GRK2: variants seen among roughly 807,000 people sequenced by gnomAD.
GRK2 encodes G protein-coupled receptor kinase 2, also known as adrenergic beta receptor kinase 1.
A neutral mutation model predicts 97.8 loss-of-function variants in GRK2; 23 were observed. The observed-to-expected ratio is 0.24, with a 90% CI of 0.17 to 0.33. The LOEUF (loss-of-function observed/expected upper bound fraction) is 0.33, where lower values mean the gene tolerates loss of function less well. GRK2 is among the 10% of genes least tolerant of loss of function. The pLI, the probability that GRK2 is intolerant of heterozygous loss-of-function variation, is 1.00. For synonymous variants in GRK2, 425 were observed against 381.7 expected (o/e 1.11, Z -1.32); for missense variants, 633 against 956.9 (o/e 0.66, Z 4.47).
rs1860279227 is a variant in GRK2 at position 67,286,254 on chromosome 11, C to A, written c.*804C>A. On this transcript the variant is annotated 3_prime_UTR_variant, in exon 21 of 21. Coordinates refer to ENST00000308595, the MANE Select transcript of GRK2 (RefSeq NM_001619.5). ...GGGCCGGCCAGGTGGGCGGGCAGCA[C>A]AGCAAGGAGGCTGGCTGGGGCCTAT... The A allele has an allele frequency of 5.0e-6, 3 of 601,098 alleles. No individual in the cohort carries two copies. Among genetic ancestry groups the A allele is most frequent in the South Asian group, 1.9e-5 (1 of 53,224 alleles). The allele number at this position is 601,098 out of a possible 1,614,324, so 37.2% of individuals were successfully genotyped here. A position where few individuals can be genotyped will look rare whatever the true frequency, so the allele number is the denominator to read the frequency against.
intron 18 of GRK2, 63 bp downstream of exon 18, chr11:67,284,436 G>C: frequency 6.4e-7 from 1 of 1,565,836 alleles, no homozygotes; most frequent in East Asian, 2.3e-5. Context: ...CAGCTGGCTC[G>C]GGTTTAAGGA....
Position 67,284,977 on chromosome 11 carries a change from G to A in GRK2, c.1785G>A (p.Glu595=). 2 of 1,612,422 alleles carry A rather than the reference G, an allele frequency of 1.2e-6. No individual in the cohort carries two copies. The highest frequency in any genetic ancestry group is 1.7e-6 in the Non-Finnish European group (2 of 1,179,756). The change falls in exon 19 of 21, where the codon GAG becomes GAA. Residue 595 remains glutamate, a synonymous_variant. Transcript: ENST00000308595. Reference sequence around the variant, plus strand: ...GCCTCGAGTGGCGGGGCGAGGGCGAGGCCCCGGTAAGGAGCCCGTGCGGGG... The same window carrying A: ...GCCTCGAGTGGCGGGGCGAGGGCGAAGCCCCGGTAAGGAGCCCGTGCGGGG... ...PNRLEWRGEG[E]APQSLLTMEE...
rs1405183117 is a variant in GRK2 at position 67,285,201 on chromosome 11, T to C, written c.1905+13T>C. On this transcript the variant is annotated intron_variant, in intron 20 of 20. Transcript: ENST00000308595. ...TTTGCAGTGCGATGTGAGTGGGGGC[T>C]GAGCCAGGGATGGGAGGGCCGAGGG... 3 of 1,613,170 alleles carry C rather than the reference T, an allele frequency of 1.9e-6. No homozygotes were observed. Among genetic ancestry groups the C allele is most frequent in the Non-Finnish European group, 2.5e-6 (3 of 1,179,818 alleles).
chr11:67,279,376 C>G, intron 3 of GRK2, 42 bp from the exon 4 acceptor site: 5 of 1,610,884 alleles, frequency 3.1e-6, no homozygotes, highest in Non-Finnish European at 4.2e-6. Flanking sequence ...ATCCCCATTC[C>G]CTGCTGGGCT....
chr11:67,285,572 G>A lies in GRK2; in HGVS notation c.*122G>A. 3 of 1,285,182 alleles carry A rather than the reference G, an allele frequency of 2.3e-6. No individual in the cohort carries two copies. Among genetic ancestry groups the A allele is most frequent in the Non-Finnish European group, 2.1e-6 (2 of 973,220 alleles). The allele number at this position is 1,285,182 out of a possible 1,614,324, so 79.6% of individuals were successfully genotyped here. ...TGTGATTTCCCGTGGCCCCAGCCTG[G>A]CCCAGCTCCCCCGGGAGGGGCCCGC... On this transcript the variant is annotated 3_prime_UTR_variant, in exon 21 of 21. Coordinates refer to ENST00000308595, the MANE Select transcript of GRK2 (RefSeq NM_001619.5).
intron 6 of GRK2, 113 bp downstream of exon 6, chr11:67,280,013 T>G (rs1165915799): frequency 8.9e-7 from 1 of 1,129,390 alleles, no homozygotes; most frequent in Non-Finnish European, 1.3e-6. Context: ...AGCAGGCAGG[T>G]GGCTGGCCCG....
intron 18 of GRK2, 87 bp from the exon 19 acceptor site, chr11:67,284,760 G>T: frequency 6.6e-7 from 1 of 1,510,712 alleles, no homozygotes; most frequent in Non-Finnish European, 8.9e-7. Context: ...CAGCCCTCCA[G>T]CCTGGGCAAC....
rs1236872647 is a variant in GRK2 at position 67,266,684 on chromosome 11, C to T, written c.-16C>T. ...CGGCGGCGGCGGCGGCGGGAGGAGG[C>T]AGCGCCGCCGCCAAGATGGCGGACC... On this transcript the variant is annotated 5_prime_UTR_variant, in exon 1 of 21. Coordinates refer to ENST00000308595, the MANE Select transcript of GRK2 (RefSeq NM_001619.5). 4 of 1,159,390 alleles carry T rather than the reference C, an allele frequency of 3.5e-6. No individual in the cohort carries two copies. Among genetic ancestry groups the T allele is most frequent in the Non-Finnish European group, 4.3e-6 (4 of 930,444 alleles). 71.8% of individuals were successfully genotyped at this position (1,159,390 alleles called of 1,614,324 possible).
Position 67,282,911 on chromosome 11 carries a change from G to A in GRK2, c.1227+93G>A. 2 of 1,403,146 alleles carry A rather than the reference G, an allele frequency of 1.4e-6. No homozygotes were observed. Among genetic ancestry groups the A allele is most frequent in the Non-Finnish European group, 2.0e-6 (2 of 1,021,754 alleles). 86.9% of individuals were successfully genotyped at this position (1,403,146 alleles called of 1,614,324 possible). ...CTCTTGCTTCCCACCAGCCAGCAGAGATCTGGGCCACTGACCCCTACTCTG... is the reference window on the plus strand; with the variant it reads ...CTCTTGCTTCCCACCAGCCAGCAGAAATCTGGGCCACTGACCCCTACTCTG... On this transcript the variant is annotated intron_variant, in intron 14 of 20. Coordinates refer to ENST00000308595, the MANE Select transcript of GRK2 (RefSeq NM_001619.5). The surrounding 1 kb of genome is among the most constrained non-coding windows in gnomAD (Gnocchi z 6.9).
Position 67,266,643 on chromosome 11 carries a change from C to T in GRK2, c.-57C>T. Reference sequence around the variant, plus strand: ...CGGCCGGGCCGGGCCGAGCGCCGAGCGAGCAGGAGCGGCGGCGGCGGCGGC... The same window carrying T: ...CGGCCGGGCCGGGCCGAGCGCCGAGTGAGCAGGAGCGGCGGCGGCGGCGGC... On this transcript the variant is annotated 5_prime_UTR_variant, in exon 1 of 21. Transcript: ENST00000308595. The T allele has an allele frequency of 5.0e-6, 4 of 804,568 alleles. No homozygotes were observed. Among genetic ancestry groups the T allele is most frequent in the East Asian group, 1.0e-4 (1 of 9,866 alleles). The allele number at this position is 804,568 out of a possible 1,614,324, so 49.8% of individuals were successfully genotyped here.
chr11:67,280,612 G>A, intron 6 of GRK2, 120 bp from the exon 7 acceptor site: 1 of 1,126,964 alleles, frequency 8.9e-7, no homozygotes, highest in East Asian at 2.3e-5. Flanking sequence ...TAACGCTCGT[G>A]ATGTTTCCAC....
chr11:67,268,695 A>G (rs1859847205), intron 1 of GRK2, among the ~76,000 whole-genome samples: 1 of 152,104 alleles, frequency 6.6e-6, no homozygotes, highest in Non-Finnish European at 1.5e-5. Context: ...GAGAAACGAG[A>G]TGGTCTTCTT....
Position 67,286,422 on chromosome 11 carries a change from TC to T in GRK2, c.*979del, listed in dbSNP as rs781487718. 189 of 698,670 alleles carry T rather than the reference TC, an allele frequency of 2.7e-4. No homozygotes were observed. The highest frequency in any genetic ancestry group is 4.3e-4 in the Non-Finnish European group (163 of 383,048). 43.3% of individuals were successfully genotyped at this position (698,670 alleles called of 1,614,324 possible). ...GCTGCCTGTGTGGTGTCGCGCCTTC[TC>T]CCCCCCGGGGCTGGGTTGGCGCACC... On this transcript the variant is annotated 3_prime_UTR_variant, in exon 21 of 21. Coordinates refer to ENST00000308595, the MANE Select transcript of GRK2 (RefSeq NM_001619.5).
chr11:67,284,090 T>TG lies in GRK2; in HGVS notation c.1492-115dup, dbSNP rs1395811211. The TG allele has an allele frequency of 3.2e-5, 47 of 1,475,904 alleles. No homozygotes were observed. The South Asian group carries it at 5.0e-4, about 16-fold the overall frequency. The allele number at this position is 1,475,904 out of a possible 1,614,324, so 91.4% of individuals were successfully genotyped here. A position where few individuals can be genotyped will look rare whatever the true frequency, so the allele number is the denominator to read the frequency against. On this transcript the variant is annotated intron_variant, in intron 17 of 20. Coordinates refer to ENST00000308595, the MANE Select transcript of GRK2 (RefSeq NM_001619.5). ...TCAGTTCCTCCTTGGCCAACTTCCCTGGGGGGTGGCAGTTGCACTGACCAT... is the reference window on the plus strand; with the variant it reads ...TCAGTTCCTCCTTGGCCAACTTCCCTGGGGGGGTGGCAGTTGCACTGACCAT...
intron 1 of GRK2, among the ~76,000 whole-genome samples, chr11:67,267,252 C>G (rs1172311839): frequency 6.6e-6 from 1 of 152,250 alleles, no homozygotes; most frequent in Admixed American, 6.5e-5. Context: ...CCTCGCCTGA[C>G]GATGTCACCC....
intron 1 of GRK2, among the ~76,000 whole-genome samples, chr11:67,271,876 C>A (rs1399206893): frequency 6.6e-6 from 1 of 152,248 alleles, no homozygotes; most frequent in South Asian, 2.1e-4. Flanking sequence ...CCTTCTGCTG[C>A]TGGCACCTTG....
Position 67,281,154 on chromosome 11 carries a change from A to G in GRK2, c.617A>G (p.Tyr206Cys), listed in dbSNP as rs768813349. ...GGGCGCGGGGGCTTTGGCGAGGTCT[A>G]TGGGTGCCGGAAGGCTGACACAGGC... is the stretch of plus-strand genomic sequence containing the variant. ...IIGRGGFGEV[Y>C]GCRKADTGKM... is the part of the protein sequence containing the mutation. The change falls in exon 8 of 21, where the codon TAT becomes TGT. Residue 206 changes from tyrosine to cysteine, a missense_variant. Tyr to Cys is a radical substitution (Grantham distance 194). This residue lies in a region of GRK2 where 192 missense variants were observed against 362.3 expected (regional missense o/e 0.53). Transcript: ENST00000308595. This position sits in a 1 kb window ranked among gnomAD's most constrained non-coding sequence, Gnocchi z 5.7. 31 of 1,613,256 alleles carry G rather than the reference A, an allele frequency of 1.9e-5. No individual in the cohort carries two copies. The highest frequency in any genetic ancestry group is 2.7e-5 in the African/African-American group (2 of 74,878).
At chr11:67,273,647 C>T (rs1306844311) in intron 1 of GRK2, among the ~76,000 whole-genome samples, 2 of 151,776 alleles carry the variant, frequency 1.3e-5, no homozygotes, top group Non-Finnish European at 2.9e-5. Flanking sequence ...GGCCTGACCT[C>T]GTGTTTGGTT....
In GRK2 at chr11:67,283,113, C is replaced by T. The variant is rs752775181; in HGVS notation, c.1228-15C>T. ...TCTTCCTAAGCCCCTGCTAATGTCC[C>T]ACTCCTCTCTAAAGGCCGTGGAGCT... is the stretch of plus-strand genomic sequence containing the variant. On this transcript the variant is annotated splice_polypyrimidine_tract_variant and intron_variant, in intron 14 of 20. Transcript: ENST00000308595. 1.2e-5 allele frequency: 19 copies of T among 1,612,256 alleles called. No individual in the cohort carries two copies. The highest frequency in any genetic ancestry group is 1.6e-5 in the Non-Finnish European group (19 of 1,178,624).
Sources: allele counts gnomAD v4.1 joint callset (sites outside exome capture counted in the v4.1 genomes callset), GRCh38; gene constraint gnomAD v4.1.1; regional missense constraint gnomAD v4.1.1; non-coding constraint Gnocchi (gnomAD v3.1); transcripts MANE v1.5; gene names NCBI Gene and HGNC (gene_info 2026-07-23, HGNC 2026-07-21).